Variants in PRKG1 observed in about 807,000 individuals in gnomAD.
PRKG1 encodes cGMP-dependent protein kinase 1.
In PRKG1, 35 loss-of-function variants were observed where a neutral mutation model predicts 88.1. The ratio of observed to expected loss-of-function variants is 0.40; its 90% CI spans 0.30 to 0.53. The LOEUF (loss-of-function observed/expected upper bound fraction) is 0.53, where lower values mean the gene tolerates loss of function less well. PRKG1 is among the 20% of genes least tolerant of loss of function. PRKG1 has a pLI of 0.59. For missense variants in PRKG1, 540 were observed against 839.8 expected (o/e 0.64, Z 4.41); for synonymous variants, 303 against 292.5 (o/e 1.04, Z -0.37).
chr10:51,049,583 C>A (rs963012996), intron 1 of PRKG1, among the ~76,000 whole-genome samples: 1 of 152,108 alleles, frequency 6.6e-6, no homozygotes, highest in Non-Finnish European at 1.5e-5. Context: ...GGCACAGTTG[C>A]CTGCTAGGTT....
chr10:51,057,495 A>T (rs1249201792), intron 1 of PRKG1, among the ~76,000 whole-genome samples: 1 of 152,166 alleles, frequency 6.6e-6, no homozygotes, highest in Admixed American at 6.5e-5. Flanking sequence ...CAGTATAATC[A>T]CCACTCAGAT....
At chr10:52,172,680 A>T (rs1838737633) in intron 9 of PRKG1, among the ~76,000 whole-genome samples, 1 of 152,242 alleles carries the variant, frequency 6.6e-6, no homozygotes, top group South Asian at 2.1e-4. Flanking sequence ...TGGAGTGAAT[A>T]TAGCATGCAG....
At position 51,252,531 on chromosome 10, in the gene PRKG1, C is replaced by CA. The variant is rs201563653; in HGVS notation, c.478+99210dup. 9.6e-3 allele frequency among the ~76,000 whole-genome samples: 1,444 copies of CA among 150,068 alleles called. 13 individuals are homozygous for CA. Among genetic ancestry groups the CA allele is most frequent in the Middle Eastern group, 0.038 (11 of 292 alleles). On this transcript the variant is annotated intron_variant, in intron 2 of 17. Transcript: ENST00000373980. Reference sequence around the variant, plus strand: ...TTATTGCACTGATGGTAATGCAAAACAAAAAAAAATCCTTAGTAAGTTCTG... The same window carrying CA: ...TTATTGCACTGATGGTAATGCAAAACAAAAAAAAAATCCTTAGTAAGTTCTG...
chr10:51,283,352 T>C lies in PRKG1; in HGVS notation c.478+130022T>C, dbSNP rs368940354. Among the ~76,000 whole-genome samples, 4 of 152,288 alleles carry C rather than the reference T, an allele frequency of 2.6e-5. No homozygotes were observed. In the East Asian group the frequency reaches 7.7e-4, roughly 29 times the overall value. ...CCAATAAGGAAAAAAATCCCTTCTC[T>C]TGTGTTACATTGCCTGCAATTCTAG... On this transcript the variant is annotated intron_variant, in intron 2 of 17. Coordinates refer to ENST00000373980, the MANE Select transcript of PRKG1 (RefSeq NM_006258.4).
rs991935015 is a variant in PRKG1 at position 51,211,932 on chromosome 10, A to C, written c.478+58602A>C. On this transcript the variant is annotated intron_variant, in intron 2 of 17. Transcript: ENST00000373980. ...ATTCAATGCCATCCCCATCAAGCTAACAATGACTTTCTTCACAGAATTTAA... is the reference window on the plus strand; with the variant it reads ...ATTCAATGCCATCCCCATCAAGCTACCAATGACTTTCTTCACAGAATTTAA... Among the ~76,000 whole-genome samples, 215 of 152,258 alleles carry C rather than the reference A, an allele frequency of 1.4e-3. 1 individual carries two copies. The highest frequency in any genetic ancestry group is 2.6e-3 in the Non-Finnish European group (179 of 68,014).
intron 4 of PRKG1, among the ~76,000 whole-genome samples, chr10:51,882,525 T>A (rs1243493242): frequency 1.3e-5 from 2 of 152,196 alleles, no homozygotes; most frequent in African/African-American, 4.8e-5. Flanking sequence ...TTAACTCTAT[T>A]AGAGTTACTG....
At chr10:51,304,476 TA>T (rs1367142214) in intron 2 of PRKG1, among the ~76,000 whole-genome samples, 1 of 152,086 alleles carries the variant, frequency 6.6e-6, no homozygotes, top group African/African-American at 2.4e-5. Flanking sequence ...TATTTATTTT[TA>T]TTTTTTTATT....
At chr10:51,651,030 G>A (rs554947846) in intron 3 of PRKG1, among the ~76,000 whole-genome samples, 2 of 152,338 alleles carry the variant, frequency 1.3e-5, no homozygotes, top group South Asian at 4.1e-4. Flanking sequence ...GCTGGAGCAA[G>A]AGATGTTATT....
chr10:51,718,849 A>T (rs921298857), intron 3 of PRKG1, among the ~76,000 whole-genome samples: 10 of 151,784 alleles, frequency 6.6e-5, no homozygotes, highest in Non-Finnish European at 2.9e-5. Context: ...AAAAAAAAAA[A>T]AAGTTAGAAT....
chr10:51,228,618 A>G (rs534908936), intron 2 of PRKG1, among the ~76,000 whole-genome samples: 2 of 152,274 alleles, frequency 1.3e-5, no homozygotes, highest in East Asian at 3.9e-4. Context: ...AGACCAAGAG[A>G]GCACTAGTGA....
chr10:51,665,520 T>C (rs1249052254), intron 3 of PRKG1, among the ~76,000 whole-genome samples: 2 of 152,298 alleles, frequency 1.3e-5, no homozygotes, highest in African/African-American at 4.8e-5. Context: ...GACAAATGTA[T>C]TGTGTCAATC....
chr10:52,288,276 T>G (rs1842165252), intron 14 of PRKG1, among the ~76,000 whole-genome samples: 1 of 152,082 alleles, frequency 6.6e-6, no homozygotes, highest in African/African-American at 2.4e-5. Flanking sequence ...GGCATTTCAG[T>G]GGAACAGAGA....
intron 5 of PRKG1, among the ~76,000 whole-genome samples, chr10:52,037,859 G>A (rs1280724553): frequency 6.6e-6 from 1 of 152,128 alleles, no homozygotes; most frequent in African/African-American, 2.4e-5. Flanking sequence ...CTGTAGAAAA[G>A]GAAGATTAGA....
intron 3 of PRKG1, among the ~76,000 whole-genome samples, chr10:51,525,778 C>T (rs190291961): frequency 5.3e-5 from 8 of 151,330 alleles, no homozygotes; most frequent in Non-Finnish European, 1.2e-4. Flanking sequence ...TACCACCAAC[C>T]TTAATGTTTA....
chr10:51,728,115 T>G (rs997879316), intron 3 of PRKG1, among the ~76,000 whole-genome samples: 4 of 152,146 alleles, frequency 2.6e-5, no homozygotes, highest in African/African-American at 9.7e-5. Context: ...ATATATAATA[T>G]AGCACACTTC....
chr10:51,905,243 C>T (rs1468175498), intron 4 of PRKG1, among the ~76,000 whole-genome samples: 1 of 152,140 alleles, frequency 6.6e-6, no homozygotes, highest in Admixed American at 6.6e-5. Context: ...CCACATGGCT[C>T]AGACCATAGC....
chr10:52,157,327 A>G (rs956539959), intron 8 of PRKG1, among the ~76,000 whole-genome samples: 1 of 145,102 alleles, frequency 6.9e-6, no homozygotes, highest in Non-Finnish European at 1.5e-5. Flanking sequence ...ATATATATAT[A>G]TATATATATA....
chr10:52,102,996 C>T (rs1847331843), intron 7 of PRKG1, among the ~76,000 whole-genome samples: 1 of 152,194 alleles, frequency 6.6e-6, no homozygotes, highest in Non-Finnish European at 1.5e-5. Flanking sequence ...GTGAGCATTA[C>T]TGCTTGAGCT....
chr10:51,493,727 CCCTG>C (rs1840771184), intron 3 of PRKG1, among the ~76,000 whole-genome samples: 1 of 151,948 alleles, frequency 6.6e-6, no homozygotes, highest in Admixed American at 6.6e-5. Context: ...GGAGCTTTGA[CCCTG>C]CCTAAGACCA....
Sources: gnomAD v4.1 joint callset for allele counts (sites outside exome capture counted in the v4.1 genomes callset) on GRCh38, gnomAD v4.1.1 for gene constraint, MANE v1.5 for transcripts, NCBI Gene and HGNC (gene_info 2026-07-23, HGNC 2026-07-21) for gene names.